Variants in RAB3C observed in about 807,000 individuals in gnomAD.
RAB3C encodes the protein ras-related protein Rab-3C.
Under a neutral mutation model 26.4 loss-of-function variants are expected in RAB3C, and 17 were observed. The ratio of observed to expected loss-of-function variants is 0.64; its 90% CI spans 0.44 to 0.97. The LOEUF is 0.97. Among genes scored for constraint, RAB3C ranks in the 50% least tolerant of loss-of-function variants. The probability of loss-of-function intolerance (pLI) is 0.00; values close to 1 mark genes in which losing one functional copy is unlikely to be tolerated. For synonymous variants in RAB3C, 91 were observed against 95.9 expected (o/e 0.95, Z 0.30); for missense variants, 242 against 281.9 (o/e 0.86, Z 1.01).
At chr5:58,603,995 A>G (rs290569) in intron 1 of RAB3C, among the ~76,000 whole-genome samples, 99,777 of 150,340 alleles carry the variant, frequency 0.66, 33,406 homozygotes, top group Non-Finnish European at 0.71. Flanking sequence ...TTGTCCCACA[A>G]GGTATTCTCT....
chr5:58,671,494 G>A (rs1214257054), intron 2 of RAB3C, among the ~76,000 whole-genome samples: 1 of 152,074 alleles, frequency 6.6e-6, no homozygotes, highest in African/African-American at 2.4e-5. Flanking sequence ...TATTTTCTTG[G>A]ATTTGAGACA....
At chr5:58,834,820 G>C (rs937388119) in intron 4 of RAB3C, among the ~76,000 whole-genome samples, 6 of 152,196 alleles carry the variant, frequency 3.9e-5, no homozygotes, top group African/African-American at 1.4e-4. Context: ...AGGGACTGCT[G>C]TTTGTTTGCC....
intron 1 of RAB3C, among the ~76,000 whole-genome samples, chr5:58,596,838 A>ATATT (rs1746284829): frequency 1.1e-5 from 1 of 91,638 alleles, no homozygotes; most frequent in South Asian, 4.2e-4. Flanking sequence ...ATATAAATTT[A>ATATT]TAATATATAA....
At chr5:58,790,124 T>C (rs1742488998) in intron 3 of RAB3C, among the ~76,000 whole-genome samples, 1 of 152,238 alleles carries the variant, frequency 6.6e-6, no homozygotes, top group African/African-American at 2.4e-5. Context: ...TAATATCCCA[T>C]AGGCATCTCA....
chr5:58,618,471 G>T (rs866577539), intron 2 of RAB3C, among the ~76,000 whole-genome samples: 1 of 152,066 alleles, frequency 6.6e-6, no homozygotes, highest in Non-Finnish European at 1.5e-5. Context: ...TTTGAAACAG[G>T]GTCTTTCCAA....
chr5:58,801,617 T>C (rs1305387406), intron 3 of RAB3C, among the ~76,000 whole-genome samples: 1 of 152,252 alleles, frequency 6.6e-6, no homozygotes, highest in African/African-American at 2.4e-5. Flanking sequence ...AGATTTGAAA[T>C]TTATAATTTA....
At chr5:58,748,035 A>G (rs1741436232) in intron 3 of RAB3C, among the ~76,000 whole-genome samples, 1 of 152,136 alleles carries the variant, frequency 6.6e-6, no homozygotes, top group Admixed American at 6.5e-5. Flanking sequence ...GCAGAATGTA[A>G]TAATAATAAC....
intron 1 of RAB3C, among the ~76,000 whole-genome samples, chr5:58,601,170 G>C (rs1447544641): frequency 6.6e-6 from 1 of 151,996 alleles, no homozygotes; most frequent in Non-Finnish European, 1.5e-5. Flanking sequence ...ATGTTAAACT[G>C]TCCCTGCATA....
chr5:58,676,835 T>A (rs542328808), intron 2 of RAB3C, among the ~76,000 whole-genome samples: 1 of 152,318 alleles, frequency 6.6e-6, no homozygotes, highest in South Asian at 2.1e-4. Context: ...AAAAAAAGTT[T>A]TAGGTACTCA....
At chr5:58,632,383 G>A (rs1421513902) in intron 2 of RAB3C, among the ~76,000 whole-genome samples, 1 of 152,174 alleles carries the variant, frequency 6.6e-6, no homozygotes, top group Non-Finnish European at 1.5e-5. Flanking sequence ...CCCATGTCAA[G>A]CCTACTGAAT....
Position 58,825,158 on chromosome 5 carries a change from G to A in RAB3C, c.492G>A (p.Gln164=). ...STERGQHLGE[Q]LGFEFFETSA... Reference sequence around the variant, plus strand: ...AGCGAGGTCAACATTTAGGAGAACAGCTTGGTAAGAAACAAATTAATAAGT... The same window carrying A: ...AGCGAGGTCAACATTTAGGAGAACAACTTGGTAAGAAACAAATTAATAAGT... The change falls in exon 4 of 5, where the codon CAG becomes CAA. Residue 164 remains glutamine (Q), a synonymous_variant. Transcript: ENST00000282878. 6.2e-7 allele frequency: 1 copy of A among 1,609,772 alleles called. No homozygotes were observed. The highest frequency in any genetic ancestry group is 8.5e-7 in the Non-Finnish European group (1 of 1,177,918).
chr5:58,634,965 G>T (rs181635628), intron 2 of RAB3C, among the ~76,000 whole-genome samples: 57 of 152,270 alleles, frequency 3.7e-4, no homozygotes, highest in African/African-American at 1.3e-3. Context: ...GGTAAAGACA[G>T]AATGTGAGAT....
intron 3 of RAB3C, among the ~76,000 whole-genome samples, chr5:58,795,952 G>C (rs1214161913): frequency 6.6e-6 from 1 of 152,162 alleles, no homozygotes; most frequent in Non-Finnish European, 1.5e-5. Flanking sequence ...ACCACCAAAG[G>C]TTTGACTGTA....
At chr5:58,797,682 T>C (rs979360390) in intron 3 of RAB3C, among the ~76,000 whole-genome samples, 1 of 151,990 alleles carries the variant, frequency 6.6e-6, no homozygotes, top group African/African-American at 2.4e-5. Flanking sequence ...GAGGCATAAC[T>C]GGAAAACAAG....
At chr5:58,813,443 T>C (rs546901835) in intron 3 of RAB3C, among the ~76,000 whole-genome samples, 3 of 151,988 alleles carry the variant, frequency 2.0e-5, no homozygotes, top group African/African-American at 7.2e-5. Flanking sequence ...TGCTCCCCAA[T>C]GGATCTTTAT....
chr5:58,595,125 C>G (rs768439828), intron 1 of RAB3C, among the ~76,000 whole-genome samples: 1 of 152,064 alleles, frequency 6.6e-6, no homozygotes, highest in African/African-American at 2.4e-5. Flanking sequence ...AAAGTCAAGG[C>G]CTTCTTCCAC....
In RAB3C at chr5:58,726,105, A is replaced by G. The variant is rs371770169; in HGVS notation, c.356A>G (p.Asn119Ser). The G allele has an allele frequency of 8.3e-6, 13 of 1,566,524 alleles. No individual in the cohort carries two copies. In the African/African-American group the frequency reaches 1.6e-4, roughly 20 times the overall value. The change falls in exon 3 of 5, where the codon AAT becomes AGT. Residue 119 changes from asparagine to serine, a missense_variant. Transcript: ENST00000282878. ...MYDITNEESF[N>S]AVQDWSTQIK... ...GACATTACAAATGAAGAATCCTTCAATGCAGTACAAGATTGGTAAGTCAGA... is the reference window on the plus strand; with the variant it reads ...GACATTACAAATGAAGAATCCTTCAGTGCAGTACAAGATTGGTAAGTCAGA...
At chr5:58,717,686 A>G (rs1160525334) in intron 2 of RAB3C, among the ~76,000 whole-genome samples, 2 of 152,030 alleles carry the variant, frequency 1.3e-5, no homozygotes, top group Non-Finnish European at 2.9e-5. Flanking sequence ...TAATGGCAAA[A>G]CGTCTCAAGT....
chr5:58,690,500 G>C (rs989880899), intron 2 of RAB3C, among the ~76,000 whole-genome samples: 2 of 152,168 alleles, frequency 1.3e-5, no homozygotes, highest in African/African-American at 4.8e-5. Flanking sequence ...TAGACAGCTA[G>C]TGTTGGCTGC....
Sources: allele counts gnomAD v4.1 joint callset (sites outside exome capture counted in the v4.1 genomes callset), GRCh38; gene constraint gnomAD v4.1.1; transcripts MANE v1.5; gene names NCBI Gene and HGNC (gene_info 2026-07-23, HGNC 2026-07-21).